The following PIAS1 variants were observed in gnomAD, a reference collection of about 807,000 sequenced individuals.
PIAS1 encodes the protein protein inhibitor of activated STAT 1.
In PIAS1, 6 loss-of-function variants were observed where a neutral mutation model predicts 71.3. The observed-to-expected ratio is 0.08, with a 90% confidence interval of 0.05 to 0.17. The LOEUF is 0.17. PIAS1 is among the 10% of genes least tolerant of loss of function. The pLI is 1.00. For synonymous variants in PIAS1, 303 were observed against 292.9 expected (o/e 1.03, Z -0.35); for missense variants, 555 against 793.6 (o/e 0.70, Z 3.61).
chr15:68,153,912 G>A (rs1429732149), intron 7 of PIAS1: 1 of 331,484 alleles, frequency 3.0e-6, no homozygotes, highest in African/African-American at 2.1e-5. Flanking sequence ...AAACATGGAA[G>A]AATATTATTC....
chr15:68,181,825 G>A (rs892317230), intron 12 of PIAS1: 2 of 156,756 alleles, frequency 1.3e-5, no homozygotes, highest in Non-Finnish European at 2.8e-5. Flanking sequence ...GATTATAGGC[G>A]CCCACTACCA....
At chr15:68,098,223 A>C (rs1200206131) in intron 2 of PIAS1, among the ~76,000 whole-genome samples, 1 of 152,238 alleles carries the variant, frequency 6.6e-6, no homozygotes. Flanking sequence ...TACCAATAAC[A>C]TAAACAGTTG....
chr15:68,077,408 G>A (rs1002789162), intron 1 of PIAS1, among the ~76,000 whole-genome samples: 1 of 152,178 alleles, frequency 6.6e-6, no homozygotes, highest in African/African-American at 2.4e-5. Flanking sequence ...GCTAGTTGAA[G>A]GAAAAGAGTC....
rs954459907 is a variant in PIAS1, at chr15:68,191,293, T to A, written c.*3458T>A. ...TCTCTCTTAGAATTTCCATACCGCATGCCAAACCAGTAAAATGGCTTTTAA... is the reference window on the plus strand; with the variant it reads ...TCTCTCTTAGAATTTCCATACCGCAAGCCAAACCAGTAAAATGGCTTTTAA... On this transcript the variant is annotated 3_prime_UTR_variant, in exon 14 of 14. Coordinates refer to ENST00000249636, the MANE Select transcript of PIAS1 (RefSeq NM_016166.3). The A allele has an allele frequency of 1.3e-5, 2 of 152,672 alleles. No individual in the cohort carries two copies. The highest frequency in any genetic ancestry group is 4.8e-5 in the African/African-American group (2 of 41,476). The allele number at this position is 152,672 out of a possible 1,614,324, so 9.5% of individuals were successfully genotyped here.
intron 5 of PIAS1, among the ~76,000 whole-genome samples, 163 bp downstream of exon 5, chr15:68,146,069 C>T (rs1046531060): frequency 1.3e-5 from 2 of 152,124 alleles, no homozygotes; most frequent in African/African-American, 4.8e-5. Flanking sequence ...GTACAGTTAG[C>T]AGCAGTGACA....
At chr15:68,063,815 G>C (rs769412174) in intron 1 of PIAS1, among the ~76,000 whole-genome samples, 1 of 151,920 alleles carries the variant, frequency 6.6e-6, no homozygotes, top group Non-Finnish European at 1.5e-5. Context: ...TGCAAAATCA[G>C]TGGTGGGTAA....
chr15:68,086,541 C>A lies in PIAS1; in HGVS notation c.260C>A (p.Ala87Glu). The A allele has an allele frequency of 6.2e-7, 1 of 1,613,858 alleles. No homozygotes were observed. Among genetic ancestry groups the A allele is most frequent in the Non-Finnish European group, 8.5e-7 (1 of 1,179,806 alleles). The change falls in exon 2 of 14, where the codon GCA (alanine) becomes GAA (glutamate). Residue 87 changes from alanine (A) to glutamate (E), a missense_variant. This residue lies in a region of PIAS1 where 80 missense variants were observed against 66.9 expected (regional missense o/e 1.20). Coordinates refer to ENST00000249636, the MANE Select transcript of PIAS1 (RefSeq NM_016166.3). This position sits in a 1 kb window ranked among gnomAD's most constrained non-coding sequence, Gnocchi z 7.2. ...AACGTACATTCAAGTCCTATGCCAG[C>A]AACTTTGTCTCCATCTACCATTCCA... ...IPNVHSSPMP[A>E]TLSPSTIPQL...
chr15:68,180,467 T>TA (rs36101109), intron 11 of PIAS1, among the ~76,000 whole-genome samples: 73,149 of 150,856 alleles, frequency 0.48, 18,414 homozygotes, highest in Middle Eastern at 0.57. Context: ...TAGTAAATTT[T>TA]AAAAAAAAAG....
chr15:68,179,004 TTC>T (rs749599273), intron 11 of PIAS1, among the ~76,000 whole-genome samples: 1 of 152,076 alleles, frequency 6.6e-6, no homozygotes, highest in African/African-American at 2.4e-5. Context: ...TGCCAGACAT[TTC>T]TCTCTCTATT....
intron 11 of PIAS1, among the ~76,000 whole-genome samples, chr15:68,177,251 C>G: frequency 7.8e-6 from 1 of 128,256 alleles, no homozygotes; most frequent in Admixed American, 1.0e-4. Context: ...TGCACTCCAG[C>G]CTGGGCAACA....
At chr15:68,085,921 A>G (rs1189478420) in intron 1 of PIAS1, among the ~76,000 whole-genome samples, 1 of 152,158 alleles carries the variant, frequency 6.6e-6, no homozygotes, top group Non-Finnish European at 1.5e-5. Context: ...AAAACAAAAT[A>G]TTCTTGAGAG....
At chr15:68,101,355 T>A (rs566094862) in intron 2 of PIAS1, among the ~76,000 whole-genome samples, 69 of 149,016 alleles carry the variant, frequency 4.6e-4, no homozygotes, top group Non-Finnish European at 5.9e-4. Flanking sequence ...TTTTAACTTA[T>A]GAGTTTTCAG....
In PIAS1 at chr15:68,109,948, A is replaced by C. The variant is rs190147589; in HGVS notation, c.469+23198A>C. Among the ~76,000 whole-genome samples, 212 of 152,332 alleles carry C rather than the reference A, an allele frequency of 1.4e-3. 2 individuals are homozygous for C. Among genetic ancestry groups the C allele is most frequent in the Admixed American group, 0.013 (199 of 15,300 alleles). ...AGTAGGTGCTCTTTGACCATGCCCC[A>C]TTAAGTTAAAAAACTTAAATTTAAA... is the stretch of plus-strand genomic sequence containing the variant. On this transcript the variant is annotated intron_variant, in intron 2 of 13. Coordinates refer to ENST00000249636, the MANE Select transcript of PIAS1 (RefSeq NM_016166.3).
rs34757549 is a variant in PIAS1 at position 68,063,910 on chromosome 15, T to TAA, written c.24+9570_24+9571dup. Among the ~76,000 whole-genome samples the TAA allele has an allele frequency of 8.5e-4, 127 of 149,964 alleles. 1 individual carries two copies. Among genetic ancestry groups the TAA allele is most frequent in the African/African-American group, 1.6e-3 (67 of 40,964 alleles). Reference sequence around the variant, plus strand: ...TTCTTCATCACTGTGCACTTGGAATTAAAAAAAAAAATGCCAGTTAAACTT... The same window carrying TAA: ...TTCTTCATCACTGTGCACTTGGAATTAAAAAAAAAAAAATGCCAGTTAAACTT... On this transcript the variant is annotated intron_variant, in intron 1 of 13. Transcript: ENST00000249636.
At chr15:68,073,487 T>C (rs372511260) in intron 1 of PIAS1, among the ~76,000 whole-genome samples, 2 of 152,194 alleles carry the variant, frequency 1.3e-5, no homozygotes, top group Admixed American at 6.5e-5. Flanking sequence ...TCTCTACATA[T>C]GGCATAAGAG....
At chr15:68,074,142 A>G (rs2092131104) in intron 1 of PIAS1, among the ~76,000 whole-genome samples, 1 of 152,170 alleles carries the variant, frequency 6.6e-6, no homozygotes, top group African/African-American at 2.4e-5. Context: ...TAGGAGACCA[A>G]GGTTAGGCTG....
intron 1 of PIAS1, among the ~76,000 whole-genome samples, chr15:68,083,584 AG>A (rs2092249547): frequency 6.6e-6 from 1 of 152,268 alleles, no homozygotes; most frequent in African/African-American, 2.4e-5. Flanking sequence ...ATCCAATTAA[AG>A]GCATGTGGTT....
rs771550548 is a variant in PIAS1, at chr15:68,178,711, TAA to T, written c.1481+2058_1481+2059del. On this transcript the variant is annotated intron_variant, in intron 11 of 13. Coordinates refer to ENST00000249636, the MANE Select transcript of PIAS1 (RefSeq NM_016166.3). This position sits in a 1 kb window ranked among gnomAD's most constrained non-coding sequence, Gnocchi z 4.2. The stretch of plus-strand genomic sequence containing the variant: ...AAATACTTTTGGGCTAAATGCATCA[TAA>T]TATATATATTTGTTCTGTTCTTTAG... Among the ~76,000 whole-genome samples, 13 of 152,204 alleles carry T rather than the reference TAA, an allele frequency of 8.5e-5. No homozygotes were observed. Among genetic ancestry groups the T allele is most frequent in the Non-Finnish European group, 1.8e-4 (12 of 68,012 alleles).
At chr15:68,074,612 CT>C (rs1414872194) in intron 1 of PIAS1, among the ~76,000 whole-genome samples, 1 of 151,986 alleles carries the variant, frequency 6.6e-6, no homozygotes, top group African/African-American at 2.4e-5. Flanking sequence ...TATGATAAAC[CT>C]CATATTTTAT....
Sources: allele counts gnomAD v4.1 joint callset (sites outside exome capture counted in the v4.1 genomes callset), GRCh38; gene constraint gnomAD v4.1.1; regional missense constraint gnomAD v4.1.1; non-coding constraint Gnocchi (gnomAD v3.1); transcripts MANE v1.5; gene names NCBI Gene and HGNC (gene_info 2026-07-23, HGNC 2026-07-21).